Variants in EPB41L4A observed in about 807,000 individuals in gnomAD.
EPB41L4A encodes the protein band 4.1-like protein 4A.
Under a neutral mutation model 108.6 loss-of-function variants are expected in EPB41L4A, and 100 were observed. The ratio of observed to expected loss-of-function variants is 0.92; its 90% confidence interval spans 0.78 to 1.09. The LOEUF is 1.09. EPB41L4A is among the 50% of genes least tolerant of loss of function. The pLI is 0.00. For missense variants in EPB41L4A, 1,030 were observed against 842.7 expected (o/e 1.22, Z -2.75); for synonymous variants, 319 against 289.0 (o/e 1.10, Z -1.05).
At chr5:112,223,166 C>G (rs1221902328) in intron 12 of EPB41L4A, among the ~76,000 whole-genome samples, 2 of 152,058 alleles carry the variant, frequency 1.3e-5, no homozygotes, top group African/African-American at 4.8e-5. Context: ...TCTTGAACTC[C>G]TGACCTCTGG....
intron 2 of EPB41L4A, among the ~76,000 whole-genome samples, chr5:112,301,997 AT>A (rs1754391087): frequency 6.6e-6 from 1 of 152,082 alleles, no homozygotes; most frequent in Admixed American, 6.6e-5. Context: ...AATGTTTCTG[AT>A]TTTTAAAAAA....
At chr5:112,285,850 C>T (rs1424617705) in intron 2 of EPB41L4A, among the ~76,000 whole-genome samples, 4 of 152,124 alleles carry the variant, frequency 2.6e-5, no homozygotes, top group Non-Finnish European at 5.9e-5. Context: ...CATGTGTTTA[C>T]TCTTTTAATC....
At chr5:112,253,736 G>C (rs1225376944) in intron 9 of EPB41L4A, among the ~76,000 whole-genome samples, 1 of 152,136 alleles carries the variant, frequency 6.6e-6, no homozygotes, top group African/African-American at 2.4e-5. Flanking sequence ...AATAACAAAG[G>C]AAGTGAAGTA....
At chr5:112,280,163 G>A in intron 3 of EPB41L4A, 109 bp downstream of exon 3, 1 of 871,848 alleles carries the variant, frequency 1.1e-6, no homozygotes, top group Non-Finnish European at 2.0e-6. Context: ...TCAAGTACTA[G>A]TATTCACTTC....
intron 13 of EPB41L4A, among the ~76,000 whole-genome samples, chr5:112,209,046 T>C (rs537962257): frequency 2.0e-5 from 3 of 152,240 alleles, no homozygotes; most frequent in East Asian, 1.9e-4. Flanking sequence ...CTTAAAGTTA[T>C]CTTGCTGAGA....
chr5:112,168,659 A>C (rs867657799), intron 22 of EPB41L4A, 80 bp downstream of exon 22: 5 of 1,122,370 alleles, frequency 4.5e-6, no homozygotes, highest in Non-Finnish European at 6.7e-6. Context: ...CTACCTCCCT[A>C]AAGGAACTTT....
At chr5:112,170,268 A>G in intron 20 of EPB41L4A, 33 bp downstream of exon 20, 1 of 1,599,632 alleles carries the variant, frequency 6.3e-7, no homozygotes, top group Non-Finnish European at 8.6e-7. Flanking sequence ...GCACTAATAA[A>G]GCTTTGGTGA....
At chr5:112,310,225 G>C (rs1254957676) in intron 1 of EPB41L4A, among the ~76,000 whole-genome samples, 1 of 152,166 alleles carries the variant, frequency 6.6e-6, no homozygotes, top group Non-Finnish European at 1.5e-5. Context: ...TATACTTTCT[G>C]ACTGTCTATT....
chr5:112,184,403 A>C (rs1761322185), intron 17 of EPB41L4A, among the ~76,000 whole-genome samples: 2 of 152,206 alleles, frequency 1.3e-5, no homozygotes, highest in Non-Finnish European at 2.9e-5. Flanking sequence ...ATGTATCAAA[A>C]ACTTATTTTA....
rs1760109595 is a variant in EPB41L4A, at chr5:112,164,559, T to TTA, written c.*430_*431insTA. The TTA allele has an allele frequency of 6.5e-6, 1 of 152,722 alleles. No homozygotes were observed. The highest frequency in any genetic ancestry group is 1.5e-5 in the Non-Finnish European group (1 of 68,432). 9.5% of individuals were successfully genotyped at this position (152,722 alleles called of 1,614,324 possible). ...AAGGTCCTTCAGCACAACTGTGCTG[T>TTA]AGTTAAACCATGGCCTATAATCCCA... On this transcript the variant is annotated 3_prime_UTR_variant, in exon 23 of 23. Coordinates refer to ENST00000261486, the MANE Select transcript of EPB41L4A (RefSeq NM_022140.5).
chr5:112,209,152 TTTGCA>T (rs1453736529), intron 13 of EPB41L4A, among the ~76,000 whole-genome samples: 1 of 152,232 alleles, frequency 6.6e-6, no homozygotes, highest in Non-Finnish European at 1.5e-5. Flanking sequence ...CTAAGAAGTC[TTTGCA>T]GGTCACATAT....
intron 1 of EPB41L4A, among the ~76,000 whole-genome samples, chr5:112,345,998 A>G (rs1378929115): frequency 6.6e-6 from 1 of 151,996 alleles, no homozygotes; most frequent in Non-Finnish European, 1.5e-5. Flanking sequence ...TTCACTGACA[A>G]GGACAAGGCA....
chr5:112,246,614 T>C (rs1177778293), intron 9 of EPB41L4A, among the ~76,000 whole-genome samples: 1 of 152,196 alleles, frequency 6.6e-6, no homozygotes, highest in African/African-American at 2.4e-5. Flanking sequence ...CCTAGTGAGC[T>C]GTTAAAACTT....
At chr5:112,167,415 A>G (rs915912059) in intron 22 of EPB41L4A, among the ~76,000 whole-genome samples, 2 of 152,222 alleles carry the variant, frequency 1.3e-5, no homozygotes, top group Admixed American at 6.5e-5. Context: ...TATGCAGATT[A>G]TAGTAGAAGC....
intron 9 of EPB41L4A, among the ~76,000 whole-genome samples, chr5:112,258,494 A>G (rs939679047): frequency 6.6e-6 from 1 of 152,236 alleles, no homozygotes; most frequent in African/African-American, 2.4e-5. Context: ...TATCCCATAA[A>G]TATGGATTAA....
chr5:112,316,963 CAG>C lies in EPB41L4A; in HGVS notation c.100-9475_100-9474del, dbSNP rs573354815. 4.2e-4 allele frequency among the ~76,000 whole-genome samples: 64 copies of C among 152,298 alleles called. 1 individual carries two copies. The highest frequency in any genetic ancestry group is 1.4e-3 in the African/African-American group (59 of 41,550). ...GTGACTTAGGGCTCCAAGAGACAAA[CAG>C]GGGAAGCTGCCAAGTTTCTGAAGGC... On this transcript the variant is annotated intron_variant, in intron 1 of 22. Transcript: ENST00000261486.
chr5:112,228,960 C>A (rs1748670000), intron 12 of EPB41L4A, among the ~76,000 whole-genome samples: 1 of 152,144 alleles, frequency 6.6e-6, no homozygotes, highest in African/African-American at 2.4e-5. Context: ...AACACAATGG[C>A]TTTTTAGCTG....
At chr5:112,330,687 C>G (rs1041288832) in intron 1 of EPB41L4A, among the ~76,000 whole-genome samples, 5 of 151,742 alleles carry the variant, frequency 3.3e-5, no homozygotes, top group African/African-American at 9.7e-5. Flanking sequence ...GGCTGTGGAA[C>G]CCATGTTTGC....
chr5:112,143,818 GCT>G (rs1759152053), exon 14 of EPB41L4A: 1 of 451,166 alleles, frequency 2.2e-6, no homozygotes, highest in Non-Finnish European at 4.5e-6. Flanking sequence ...AGGAGGTGGG[GCT>G]CTCTGTCCAC....
Sources: allele counts gnomAD v4.1 joint callset (sites outside exome capture counted in the v4.1 genomes callset), GRCh38; gene constraint gnomAD v4.1.1; transcripts MANE v1.5; gene names NCBI Gene and HGNC (gene_info 2026-07-23, HGNC 2026-07-21).